The following PCDH19 variants were observed in gnomAD, a reference collection of about 807,000 sequenced individuals.
PCDH19 encodes the protein protocadherin 19.
Under a neutral mutation model 46.2 loss-of-function variants are expected in PCDH19, and 6 were observed. The ratio of observed to expected loss-of-function variants is 0.13; its 90% CI spans 0.07 to 0.26. The LOEUF (loss-of-function observed/expected upper bound fraction) is 0.26, where lower values mean the gene tolerates loss of function less well. PCDH19 is among the 10% of genes least tolerant of loss of function. The pLI, the probability that PCDH19 is intolerant of heterozygous loss-of-function variation, is 1.00. For missense variants in PCDH19, 740 were observed against 972.3 expected, an observed-to-expected ratio of 0.76 and a Z score of 3.18; for synonymous variants, 481 against 415.7, an observed-to-expected ratio of 1.16 and a Z score of -1.91.
At position 100,296,253 on chromosome X, in the gene PCDH19, T is replaced by C. The variant is rs1315383492; in HGVS notation, c.*24A>G. The C allele has an allele frequency of 8.7e-7, 1 of 1,152,490 alleles. No individual in the cohort carries two copies. Among genetic ancestry groups the C allele is most frequent in the Non-Finnish European group, 1.2e-6 (1 of 841,189 alleles). The allele number at this position is 1,152,490 out of a possible 1,213,427, so 95.0% of individuals were successfully genotyped here. A position where few individuals can be genotyped will look rare whatever the true frequency, so the allele number is the denominator to read the frequency against. On this transcript the variant is annotated 3_prime_UTR_variant, in exon 6 of 6. Transcript: ENST00000373034. ...CTTCTTCACTAGCCAGTGTGGTTTCTTTCTCTTCTTCCTGGAGACTGGTTT... is the reference window on the plus strand; with the variant it reads ...CTTCTTCACTAGCCAGTGTGGTTTCCTTCTCTTCTTCCTGGAGACTGGTTT...
intron 5 of PCDH19, among the ~76,000 whole-genome samples, chrX:100,317,724 G>A (rs992802344): frequency 1.8e-5 from 2 of 110,267 alleles, no homozygotes; most frequent in East Asian, 2.9e-4. Flanking sequence ...CCCCTACCCC[G>A]AGTCTGTCAT....
chrX:100,315,832 A>G (rs750240736), intron 5 of PCDH19, among the ~76,000 whole-genome samples: 11 of 112,377 alleles, frequency 9.8e-5, no homozygotes, highest in African/African-American at 3.2e-4. Context: ...TACAATGCAC[A>G]TGCTACAAAT....
chrX:100,310,854 A>T (rs765955660), intron 5 of PCDH19, among the ~76,000 whole-genome samples: 263 of 107,771 alleles, frequency 2.4e-3, no homozygotes, highest in African/African-American at 7.5e-3. Context: ...TAAAAAAATT[A>T]AAAAAAAACT....
At chrX:100,399,554 T>C (rs985666360) in intron 3 of PCDH19, among the ~76,000 whole-genome samples, 3 of 112,032 alleles carry the variant, frequency 2.7e-5, no homozygotes, top group African/African-American at 9.7e-5. Flanking sequence ...ATAGATTTCA[T>C]TGGACCTAAG....
At chrX:100,374,320 T>C (rs998274863) in intron 3 of PCDH19, among the ~76,000 whole-genome samples, 2 of 112,310 alleles carry the variant, frequency 1.8e-5, no homozygotes, top group African/African-American at 6.5e-5. Context: ...TCTGTGATAA[T>C]AATAATTAGT....
intron 3 of PCDH19, among the ~76,000 whole-genome samples, chrX:100,388,573 T>G (rs1351265345): frequency 2.7e-5 from 3 of 111,249 alleles, no homozygotes. Context: ...TTTACGCTGA[T>G]CTAAAATTAT....
intron 5 of PCDH19, among the ~76,000 whole-genome samples, chrX:100,336,631 C>T (rs886469297): frequency 2.7e-5 from 3 of 111,952 alleles, no homozygotes; most frequent in Admixed American, 9.5e-5. Flanking sequence ...TGCATTTGGA[C>T]GCATTTGGAT....
intron 5 of PCDH19, among the ~76,000 whole-genome samples, chrX:100,322,866 T>TATATATA (rs1491391280): frequency 8.1e-5 from 3 of 36,860 alleles, no homozygotes; most frequent in Admixed American, 2.5e-4. Flanking sequence ...TATATATATA[T>TATATATA]TTTTGCAGCT....
chrX:100,296,957 T>C, intron 5 of PCDH19, 82 bp from the exon 6 acceptor site: 1 of 907,789 alleles, frequency 1.1e-6, no homozygotes, highest in East Asian at 3.1e-5. Context: ...GTTTCTTAGA[T>C]ATCCACAGGC....
At chrX:100,377,842 G>A (rs1402487927) in intron 3 of PCDH19, among the ~76,000 whole-genome samples, 2 of 112,211 alleles carry the variant, frequency 1.8e-5, no homozygotes, top group African/African-American at 6.5e-5. Flanking sequence ...AATCTTCTGT[G>A]AATGGAAGGC....
chrX:100,305,576 A>G (rs1220097346), intron 5 of PCDH19, among the ~76,000 whole-genome samples: 7 of 111,954 alleles, frequency 6.3e-5, no homozygotes, highest in African/African-American at 2.3e-4. Context: ...TCTCAATACT[A>G]ATGTTGAATG....
chrX:100,360,312 T>A (rs1260994791), intron 3 of PCDH19, among the ~76,000 whole-genome samples: 1 of 112,484 alleles, frequency 8.9e-6, no homozygotes, highest in African/African-American at 3.2e-5. Context: ...AATGTGATCA[T>A]GCTGACAAAA....
chrX:100,407,558 T>C lies in PCDH19; in HGVS notation c.1040A>G (p.Asn347Ser). ...LDTNDNPPVINLLSVNSELVE... is the reference protein window; with the variant it reads ...LDTNDNPPVISLLSVNSELVE... Reference sequence around the variant, plus strand: ...AAGCTCACTGTTGACTGACAGCAGGTTGATGACCGGCGGATTGTCATTGGT... The same window carrying C: ...AAGCTCACTGTTGACTGACAGCAGGCTGATGACCGGCGGATTGTCATTGGT... Residue 347 changes from asparagine to serine, a missense_variant, in exon 1 of 6, where the codon AAC (asparagine) becomes AGC (serine). By Grantham distance (46) the Asn-to-Ser change is conservative. Coordinates refer to ENST00000373034, the MANE Select transcript of PCDH19 (RefSeq NM_001184880.2). The C allele has an allele frequency of 8.3e-7, 1 of 1,211,192 alleles. No individual in the cohort carries two copies. The highest frequency in any genetic ancestry group is 1.1e-6 in the Non-Finnish European group (1 of 895,306).
intron 5 of PCDH19, among the ~76,000 whole-genome samples, chrX:100,307,621 T>C (rs765843015): frequency 2.7e-5 from 3 of 111,509 alleles, no homozygotes; most frequent in East Asian, 5.7e-4. Flanking sequence ...TGTTTGCTGA[T>C]GATATGATCG....
At position 100,350,702 on chromosome X, in the gene PCDH19, A is replaced by C; in HGVS notation, c.2619T>G (p.Thr873=). The C allele has an allele frequency of 8.7e-7, 1 of 1,146,195 alleles. No individual in the cohort carries two copies. The highest frequency in any genetic ancestry group is 1.2e-6 in the Non-Finnish European group (1 of 835,855). 94.5% of individuals were successfully genotyped at this position (1,146,195 alleles called of 1,213,427 possible). A position where few individuals can be genotyped will look rare whatever the true frequency, so the allele number is the denominator to read the frequency against. Residue 873 remains threonine, a splice_region_variant and synonymous_variant, in exon 4 of 6, where the codon ACT becomes ACG. Transcript: ENST00000373034. ...LIINGVPLPE[T]ENYSFDSNYV... ...AGTTGGAGTCAAAAGAATAGTTTTC[A>C]GTCTGCAATGAGAAGAAAAAATTAA...
At chrX:100,379,316 C>CAG (rs1927475169) in intron 3 of PCDH19, among the ~76,000 whole-genome samples, 1 of 4,237 alleles carries the variant, frequency 2.4e-4, no homozygotes. Flanking sequence ...CACACACACA[C>CAG]ACACACACAC....
intron 3 of PCDH19, among the ~76,000 whole-genome samples, chrX:100,365,810 A>C (rs1465539185): frequency 8.9e-6 from 1 of 111,919 alleles, no homozygotes; most frequent in African/African-American, 3.2e-5. Context: ...GGTTATTGGA[A>C]ACTCAGGCAT....
intron 4 of PCDH19, among the ~76,000 whole-genome samples, chrX:100,342,422 C>T (rs989377651): frequency 8.9e-6 from 1 of 111,989 alleles, no homozygotes; most frequent in African/African-American, 3.2e-5. Flanking sequence ...ATAATAATAG[C>T]TAGTGTTTAC....
At chrX:100,361,782 T>C (rs1001784776) in intron 3 of PCDH19, among the ~76,000 whole-genome samples, 1 of 111,090 alleles carries the variant, frequency 9.0e-6, no homozygotes, top group Non-Finnish European at 1.9e-5. Flanking sequence ...GGTCCTGCGC[T>C]CACACCACTA....
Sources: gnomAD v4.1 joint callset for allele counts (sites outside exome capture counted in the v4.1 genomes callset) on GRCh38, gnomAD v4.1.1 for gene constraint, MANE v1.5 for transcripts, NCBI Gene and HGNC (gene_info 2026-07-23, HGNC 2026-07-21) for gene names.